DMXL1: variants seen among roughly 807,000 people sequenced by gnomAD.
The protein encoded by DMXL1 is Dmx like 1, also known as dmX-like protein 1.
Under a neutral mutation model 319.2 loss-of-function variants are expected in DMXL1, and 99 were observed. The observed-to-expected ratio is 0.31, with a 90% CI of 0.26 to 0.37. The LOEUF (loss-of-function observed/expected upper bound fraction) is 0.37, where lower values mean the gene tolerates loss of function less well. DMXL1 is among the 10% of genes least tolerant of loss of function. The pLI is 1.00. For missense variants in DMXL1, 3,745 were observed against 3,595.6 expected, an observed-to-expected ratio of 1.04 and a Z score of -1.06; for synonymous variants, 1,385 against 1,235.2, an observed-to-expected ratio of 1.12 and a Z score of -2.54.
At chr5:119,126,533 T>C (rs1483843466) in intron 9 of DMXL1, among the ~76,000 whole-genome samples, 1 of 152,156 alleles carries the variant, frequency 6.6e-6, no homozygotes. Context: ...AAAGAAAATG[T>C]AGGAAGTGTA....
chr5:119,110,954 A>C (rs982727997), intron 5 of DMXL1, among the ~76,000 whole-genome samples: 1 of 152,064 alleles, frequency 6.6e-6, no homozygotes, highest in Non-Finnish European at 1.5e-5. Context: ...ACATCTGGCT[A>C]ATTTTTGTAT....
At chr5:119,141,132 ACT>A (rs1767236602) in intron 13 of DMXL1, among the ~76,000 whole-genome samples, 1 of 152,142 alleles carries the variant, frequency 6.6e-6, no homozygotes, top group African/African-American at 2.4e-5. Flanking sequence ...TCTTTGACAG[ACT>A]CTCAGCCAAC....
intron 10 of DMXL1, chr5:119,132,722 A>C (rs1400960416): frequency 1.6e-5 from 8 of 508,710 alleles, no homozygotes; most frequent in Non-Finnish European, 3.2e-5. Context: ...GTTGACAATT[A>C]GTCCTATATT....
At chr5:119,190,623 T>C (rs1778546720) in intron 29 of DMXL1, among the ~76,000 whole-genome samples, 1 of 152,148 alleles carries the variant, frequency 6.6e-6, no homozygotes, top group Non-Finnish European at 1.5e-5. Flanking sequence ...AAAAAAGTGA[T>C]AGTACTGAGA....
chr5:119,203,328 C>T lies in DMXL1; in HGVS notation c.7755C>T (p.His2585=). ...EPTNTPFKSK[H]HLALSVKRLW... Reference sequence around the variant, plus strand: ...CTGTCTCTCTCTGTAGATCCAAACACCATCTGGCACTGTCTGTGAAGAGGC... The same window carrying T: ...CTGTCTCTCTCTGTAGATCCAAACATCATCTGGCACTGTCTGTGAAGAGGC... Residue 2585 remains histidine (H), a synonymous_variant, in exon 33 of 44, where the codon CAC becomes CAT. Coordinates refer to ENST00000539542, the MANE Select transcript of DMXL1 (RefSeq NM_001290321.3). The T allele has an allele frequency of 6.3e-7, 1 of 1,577,844 alleles. No homozygotes were observed. The highest frequency in any genetic ancestry group is 8.6e-7 in the Non-Finnish European group (1 of 1,166,454).
Position 119,193,916 on chromosome 5 carries a change from A to T in DMXL1, c.7403A>T (p.Asp2468Val), listed in dbSNP as rs373933596. 13 of 1,610,244 alleles carry T rather than the reference A, an allele frequency of 8.1e-6. No individual in the cohort carries two copies. The highest frequency in any genetic ancestry group is 5.3e-5 in the African/African-American group (4 of 74,778). ...SDDDDNDDDD[D>V]VLASDFHLQE... ...GATGATGACAATGATGATGATGATGATGTTTTAGCATCAGATTTCCATCTC... is the reference window on the plus strand; with the variant it reads ...GATGATGACAATGATGATGATGATGTTGTTTTAGCATCAGATTTCCATCTC... Residue 2468 changes from aspartate to valine, a missense_variant, in exon 30 of 44, where the codon GAT becomes GTT. Asp to Val is a radical substitution (Grantham distance 152). Around this residue, in one of 4 missense-constraint regions of DMXL1, gnomAD observed 1,382 missense variants for 1,269.5 expected, o/e 1.09. Transcript: ENST00000539542.
intron 4 of DMXL1, among the ~76,000 whole-genome samples, chr5:119,106,663 G>C (rs1003498158): frequency 5.3e-5 from 8 of 152,186 alleles, no homozygotes; most frequent in Non-Finnish European, 1.0e-4. Context: ...TGCGAGATTT[G>C]TCTGCTAGCA....
chr5:119,226,297 A>G (rs965758935), intron 38 of DMXL1, among the ~76,000 whole-genome samples: 4 of 149,614 alleles, frequency 2.7e-5, no homozygotes, highest in African/African-American at 1.0e-4. Flanking sequence ...CAAGTCCCAC[A>G]GGTAGTAATT....
chr5:119,170,448 A>T lies in DMXL1; in HGVS notation c.5657A>T (p.Lys1886Met). Residue 1886 changes from lysine to methionine, a missense_variant, in exon 24 of 44, where the codon AAG becomes ATG. Lys to Met is a moderately conservative substitution (Grantham distance 95, BLOSUM62 -1). This residue lies in a region of DMXL1 where 1,382 missense variants were observed against 1,269.5 expected (regional missense o/e 1.09). Transcript: ENST00000539542. The part of the protein sequence containing the change: ...EVLSKMPKVI[K>M]KTRPFYRASS... The stretch of plus-strand genomic sequence containing the variant: ...TTATCAAAGATGCCTAAAGTCATCA[A>T]GAAAACAAGACCTTTTTATAGGGCT... 1 of 1,614,024 alleles carries T rather than the reference A, an allele frequency of 6.2e-7. No homozygotes were observed. Among genetic ancestry groups the T allele is most frequent in the Non-Finnish European group, 8.5e-7 (1 of 1,179,948 alleles).
intron 40 of DMXL1, among the ~76,000 whole-genome samples, chr5:119,237,707 GGTT>G: frequency 2.0e-5 from 3 of 151,986 alleles, no homozygotes; most frequent in Admixed American, 2.0e-4. Context: ...TCACTAAACT[GGTT>G]ATTATATTAT....
intron 18 of DMXL1, among the ~76,000 whole-genome samples, chr5:119,150,806 A>G (rs1440743749): frequency 2.0e-5 from 3 of 151,690 alleles, no homozygotes; most frequent in African/African-American, 4.8e-5. Flanking sequence ...AAAAAATACC[A>G]TGAAGGTTTT....
intron 1 of DMXL1, among the ~76,000 whole-genome samples, chr5:119,091,617 C>G (rs1027320415): frequency 6.6e-6 from 1 of 152,142 alleles, no homozygotes. Context: ...CTTGGAGATT[C>G]TTCACTGCTA....
chr5:119,122,019 G>A (rs1272011180), intron 9 of DMXL1, among the ~76,000 whole-genome samples: 1 of 144,468 alleles, frequency 6.9e-6, no homozygotes, highest in African/African-American at 2.6e-5. Flanking sequence ...CCCGGACGGG[G>A]CGGCTGGCCG....
chr5:119,166,804 CAAAG>C (rs1773528107), intron 22 of DMXL1, 23 bp downstream of exon 22: 1 of 1,564,978 alleles, frequency 6.4e-7, no homozygotes, highest in Non-Finnish European at 8.6e-7. Context: ...ATTTAAATAA[CAAAG>C]TATAGCAATG....
At chr5:119,092,777 AATAAT>A (rs1291943805) in intron 1 of DMXL1, among the ~76,000 whole-genome samples, 1 of 152,252 alleles carries the variant, frequency 6.6e-6, no homozygotes, top group Non-Finnish European at 1.5e-5. Context: ...ATATAAGTGA[AATAAT>A]AAAATATGTG....
intron 13 of DMXL1, among the ~76,000 whole-genome samples, chr5:119,135,720 C>G (rs1765840438): frequency 6.6e-6 from 1 of 152,208 alleles, no homozygotes. Context: ...GTGCCGTCTC[C>G]TGACACCTGT....
At chr5:119,078,273 C>T (rs1051106026) in intron 1 of DMXL1, among the ~76,000 whole-genome samples, 1 of 152,032 alleles carries the variant, frequency 6.6e-6, no homozygotes, top group African/African-American at 2.4e-5. Flanking sequence ...TGCTGCTGCA[C>T]CTGGCTCATA....
intron 9 of DMXL1, chr5:119,128,170 A>G: frequency 4.1e-6 from 2 of 485,868 alleles, no homozygotes; most frequent in Non-Finnish European, 8.1e-6. Flanking sequence ...AACTTTGCAT[A>G]GTTCCACCTG....
chr5:119,209,104 T>G (rs1202955495), intron 34 of DMXL1, among the ~76,000 whole-genome samples: 1 of 152,224 alleles, frequency 6.6e-6, no homozygotes, highest in African/African-American at 2.4e-5. Context: ...TATTTACCTG[T>G]TAATGAACAC....
Sources: gnomAD v4.1 joint callset for allele counts (sites outside exome capture counted in the v4.1 genomes callset) on GRCh38, gnomAD v4.1.1 for gene constraint, gnomAD v4.1.1 regional missense constraint, MANE v1.5 for transcripts, NCBI Gene and HGNC (gene_info 2026-07-23, HGNC 2026-07-21) for gene names.